GPR108: variants seen among roughly 807,000 people sequenced by gnomAD.
GPR108 encodes G protein-coupled receptor 108.
In GPR108, 60 loss-of-function variants were observed where a neutral mutation model predicts 74.3. The ratio of observed to expected loss-of-function variants is 0.81; its 90% CI spans 0.66 to 1.00. GPR108 has a LOEUF of 1.00. Ranked by LOEUF, GPR108 falls within the 50% of genes least tolerant of loss-of-function variation. The probability of loss-of-function intolerance (pLI) is 0.00; values close to 1 mark genes in which losing one functional copy is unlikely to be tolerated. For synonymous variants in GPR108, 311 were observed against 292.4 expected (o/e 1.06, Z -0.65); for missense variants, 667 against 703.3 (o/e 0.95, Z 0.58).
intron 10 of GPR108, 60 bp from the exon 11 acceptor site, chr19:6,732,609 G>A: frequency 1.3e-5 from 17 of 1,288,646 alleles, no homozygotes; most frequent in Middle Eastern, 1.9e-4. Context: ...GCTGATGGTG[G>A]TGGTGGGGGA....
chr19:6,737,388 C>T (rs1307100563), intron 1 of GPR108, 69 bp downstream of exon 1: 11 of 1,534,392 alleles, frequency 7.2e-6, no homozygotes, highest in Non-Finnish European at 9.6e-6. Context: ...CGAGACCACT[C>T]CAAGCCAGGG....
In GPR108 at chr19:6,733,228, AC is replaced by A. The variant is rs764441416; in HGVS notation, c.796del (p.Val266SerfsTer72). The part of the protein sequence containing the change: ...AEMPLFKLYM[V>X]MSACFLAAGI... ...AGCGGCCAGGAAGCAGGCGGACATG[AC>A]CATGTAGAGCTTGAAAAGGGGCATC... is the stretch of plus-strand genomic sequence containing the variant. On this transcript the variant is annotated frameshift_variant, in exon 9 of 18. Transcript: ENST00000264080. LOFTEE classifies it high-confidence loss of function. 1.2e-6 allele frequency: 2 copies of A among 1,613,980 alleles called. No individual in the cohort carries two copies. The highest frequency in any genetic ancestry group is 8.5e-7 in the Non-Finnish European group (1 of 1,180,004).
At chr19:6,737,291 G>A in intron 1 of GPR108, 166 bp downstream of exon 1, 1 of 897,876 alleles carries the variant, frequency 1.1e-6, no homozygotes, top group Non-Finnish European at 1.6e-6. Flanking sequence ...CCGGAGGACC[G>A]AAGGGGATCC....
chr19:6,732,650 G>A lies in GPR108; in HGVS notation c.934-101C>T, dbSNP rs200370972. ...AACACGGACCGTCACCATCAGATGG[G>A]TGGTCAGAAAGTTGAATAATGAGGA... On this transcript the variant is annotated intron_variant, in intron 10 of 17. Coordinates refer to ENST00000264080, the MANE Select transcript of GPR108 (RefSeq NM_001080452.2). The A allele has an allele frequency of 3.3e-6, 3 of 920,462 alleles. No individual in the cohort carries two copies. The East Asian group carries it at 7.7e-5, about 24-fold the overall frequency. 57.0% of individuals were successfully genotyped at this position (920,462 alleles called of 1,614,324 possible).
Position 6,731,264 on chromosome 19 carries a change from A to G in GPR108, c.1369T>C (p.Phe457Leu), listed in dbSNP as rs778077122. 24 of 1,554,030 alleles carry G rather than the reference A, an allele frequency of 1.5e-5. No homozygotes were observed. In the South Asian group the frequency reaches 2.1e-4, roughly 13 times the overall value. The change falls in exon 16 of 18, where the codon TTC (phenylalanine) becomes CTC (leucine). Residue 457 changes from phenylalanine to leucine, a missense_variant. By Grantham distance (22) the Phe-to-Leu change is conservative (BLOSUM62 0). Transcript: ENST00000264080. ...AGCAGGATGGCGATGATGCGGGTGA[A>G]GTAGACGTAGCAGATGACCTGCAGG... ...YYVMVICYVY[F>L]TRIIAILLQV...
chr19:6,731,840 C>T lies in GPR108; in HGVS notation c.1300+51G>A, dbSNP rs773538442. ...CATCCAAGGGGCAGAAAGAAGGGCC[C>T]GGAGGAGGAATGGGGCCATGAGCAG... On this transcript the variant is annotated intron_variant, in intron 14 of 17. Transcript: ENST00000264080. 38 of 1,601,902 alleles carry T rather than the reference C, an allele frequency of 2.4e-5. 1 individual carries two copies. The highest frequency in any genetic ancestry group is 2.1e-4 in the South Asian group (19 of 89,976).
At position 6,731,521 on chromosome 19, in the gene GPR108, C is replaced by T; in HGVS notation, c.1302G>A (p.Val434=). Residue 434 remains valine, a splice_region_variant and synonymous_variant, in exon 15 of 18, where the codon GTG becomes GTA. Coordinates refer to ENST00000264080, the MANE Select transcript of GPR108 (RefSeq NM_001080452.2). The part of the protein sequence containing the change: ...LQDASGTDGK[V]AVNLAKLKLF... ...GCTTCAGCTTGGCCAGGTTCACTGC[C>T]ACTGAGGGTGGGCACAGAGAGGGCG... 9 of 1,276,632 alleles carry T rather than the reference C, an allele frequency of 7.0e-6. No homozygotes were observed. The highest frequency in any genetic ancestry group is 9.1e-6 in the Non-Finnish European group (9 of 986,782). The allele number at this position is 1,276,632 out of a possible 1,614,324, so 79.1% of individuals were successfully genotyped here.
Position 6,735,946 on chromosome 19 carries a change from G to C in GPR108, c.253C>G (p.Leu85Val), listed in dbSNP as rs1435460650. 2 of 1,610,454 alleles carry C rather than the reference G, an allele frequency of 1.2e-6. No individual in the cohort carries two copies. Among genetic ancestry groups the C allele is most frequent in the Admixed American group, 3.4e-5 (2 of 59,686 alleles). Reference protein sequence around the residue: ...EEKSLLVGFSLSRVRSGRVRS... With the variant: ...EEKSLLVGFSVSRVRSGRVRS... ...ACTCTGCCAGACCGAACCCGGCTGAGACTGAACCCCACCTGGTGGGTGGAA... is the reference window on the plus strand; with the variant it reads ...ACTCTGCCAGACCGAACCCGGCTGACACTGAACCCCACCTGGTGGGTGGAA... Residue 85 changes from leucine (L) to valine (V), a missense_variant, in exon 3 of 18, where the codon CTC becomes GTC. Physicochemically the swap from Leu to Val is conservative, Grantham distance 32 (BLOSUM62 1). Transcript: ENST00000264080.
At chr19:6,731,835 G>A in intron 14 of GPR108, 56 bp downstream of exon 14, 4 of 1,591,788 alleles carry the variant, frequency 2.5e-6, no homozygotes, top group South Asian at 2.2e-5. Flanking sequence ...GCAGAAAGAA[G>A]GGCCCGGAGG....
intron 17 of GPR108, chr19:6,730,601 G>A: frequency 1.9e-6 from 1 of 533,888 alleles, no homozygotes; most frequent in East Asian, 3.1e-5. Context: ...GCCCCCAGCA[G>A]CCCTGGCCCC....
At chr19:6,734,338 TG>T (rs746951786) in intron 4 of GPR108, 31 bp from the exon 5 acceptor site, 2 of 1,604,744 alleles carry the variant, frequency 1.2e-6, no homozygotes. Context: ...GGCATGAGGC[TG>T]GGGGGCTGAA....
intron 17 of GPR108, 28 bp from the exon 18 acceptor site, chr19:6,730,412 A>G: frequency 6.2e-7 from 1 of 1,600,548 alleles, no homozygotes. Context: ...GGAGGCGTCT[A>G]GCGTTGCAGG....
At position 6,733,678 on chromosome 19, in the gene GPR108, G is replaced by A; in HGVS notation, c.619-4C>T. On this transcript the variant is annotated splice_polypyrimidine_tract_variant and splice_region_variant and intron_variant, in intron 7 of 17. Coordinates refer to ENST00000264080, the MANE Select transcript of GPR108 (RefSeq NM_001080452.2). The stretch of plus-strand genomic sequence containing the variant: ...GAGAGCCGATCACCACGTGGAACTG[G>A]GCGGGCGGGGAGAGAGGAGGGCTCA... The A allele has an allele frequency of 1.2e-6, 2 of 1,613,620 alleles. No homozygotes were observed. Among genetic ancestry groups the A allele is most frequent in the Non-Finnish European group, 1.7e-6 (2 of 1,179,534 alleles).
At position 6,732,150 on chromosome 19, in the gene GPR108, C is replaced by T; in HGVS notation, c.1131G>A (p.Leu377=). The stretch of plus-strand genomic sequence containing the variant: ...CGATGATGATGTAGGCCACGTTGGC[C>T]AGGACCTGCGCAGGCGGCGGGGGTG... ...VFGIVIPMQV[L]ANVAYIIIES... is the part of the protein sequence containing the mutation. The change falls in exon 13 of 18, where the codon CTG becomes CTA. Residue 377 remains leucine (L), a synonymous_variant. Transcript: ENST00000264080. The T allele has an allele frequency of 1.9e-6, 3 of 1,613,652 alleles. No individual in the cohort carries two copies. Among genetic ancestry groups the T allele is most frequent in the Non-Finnish European group, 2.5e-6 (3 of 1,179,986 alleles).
Position 6,730,388 on chromosome 19 carries a change from G to C in GPR108, c.1560-4C>G, listed in dbSNP as rs758295822. The C allele has an allele frequency of 9.9e-6, 16 of 1,612,632 alleles. No individual in the cohort carries two copies. The highest frequency in any genetic ancestry group is 3.8e-4 in the Middle Eastern group (2 of 5,198). On this transcript the variant is annotated splice_region_variant and splice_polypyrimidine_tract_variant and intron_variant, in intron 17 of 17. Coordinates refer to ENST00000264080, the MANE Select transcript of GPR108 (RefSeq NM_001080452.2). ...CCGGAACCCAGAGTCCGTCATTCTG[G>C]GGGCAGACAGCGAGGAGGCGTCTAG... is the stretch of plus-strand genomic sequence containing the variant.
Position 6,733,559 on chromosome 19 carries a change from A to G in GPR108, c.723+11T>C, listed in dbSNP as rs1477782830. 1.9e-6 allele frequency: 3 copies of G among 1,612,154 alleles called. No homozygotes were observed. The highest frequency in any genetic ancestry group is 3.3e-5 in the Admixed American group (2 of 60,002). ...GCGCTCCCTGGCCCTGCTGCCCTCCACTCCGCTCACCGTGATGTCGAATGG... is the reference window on the plus strand; with the variant it reads ...GCGCTCCCTGGCCCTGCTGCCCTCCGCTCCGCTCACCGTGATGTCGAATGG... On this transcript the variant is annotated intron_variant, in intron 8 of 17. Transcript: ENST00000264080.
intron 4 of GPR108, 138 bp downstream of exon 4, chr19:6,735,484 G>A: frequency 1.4e-6 from 1 of 722,844 alleles, no homozygotes; most frequent in Non-Finnish European, 2.4e-6. Context: ...ACAATCAGAA[G>A]ACTTGAAGGC....
intron 5 of GPR108, 63 bp downstream of exon 5, chr19:6,734,120 C>G (rs339397): frequency 0.51 from 822,898 of 1,613,840 alleles, 210,989 homozygotes; most frequent in African/African-American, 0.61. Flanking sequence ...GGGAAAACGG[C>G]ATGGGGAGTG....
chr19:6,732,504 G>A lies in GPR108; in HGVS notation c.979C>T (p.Leu327Phe), dbSNP rs1438989731. ...INSQGHPIEG[L>F]AVMYYIAHLL... ...TGTGCGATGTAGTACATGACGGCAA[G>A]GCCTTCGATGGGGTGGCCCTGGCTG... The change falls in exon 11 of 18, where the codon CTT becomes TTT. Residue 327 changes from leucine (L) to phenylalanine (F), a missense_variant. Transcript: ENST00000264080. The A allele has an allele frequency of 6.2e-7, 1 of 1,613,836 alleles. No homozygotes were observed. Among genetic ancestry groups the A allele is most frequent in the East Asian group, 2.2e-5 (1 of 44,882 alleles).
Sources: gnomAD v4.1 joint callset for allele counts on GRCh38, gnomAD v4.1.1 for gene constraint, MANE v1.5 for transcripts, NCBI Gene and HGNC (gene_info 2026-07-23, HGNC 2026-07-21) for gene names.